Variants in BFAR observed in about 807,000 individuals in gnomAD.
BFAR encodes bifunctional apoptosis regulator, also known as RING finger protein 47.
A neutral mutation model predicts 54.4 loss-of-function variants in BFAR; 52 were observed. The ratio of observed to expected loss-of-function variants is 0.96; its 90% confidence interval spans 0.77 to 1.21. The LOEUF (loss-of-function observed/expected upper bound fraction) is 1.21. BFAR is among the 50% of genes most tolerant of loss of function. The pLI, the probability that BFAR is intolerant of heterozygous loss-of-function variation, is 0.00. For missense variants in BFAR, 571 were observed against 534.0 expected (o/e 1.07, Z -0.68); for synonymous variants, 215 against 204.3 (o/e 1.05, Z -0.45).
intron 2 of BFAR, among the ~76,000 whole-genome samples, chr16:14,647,199 C>G (rs952650784): frequency 6.6e-6 from 1 of 152,090 alleles, no homozygotes; most frequent in African/African-American, 2.4e-5. Flanking sequence ...ATTCTCCTGC[C>G]TCAGCCTCCC....
chr16:14,637,630 G>A lies in BFAR; in HGVS notation c.-74+4612G>A, dbSNP rs575073611. Among the ~76,000 whole-genome samples the A allele has an allele frequency of 3.3e-5, 5 of 152,286 alleles. No individual in the cohort carries two copies. In the East Asian group the frequency reaches 5.8e-4, roughly 18 times the overall value. On this transcript the variant is annotated intron_variant, in intron 1 of 7. Coordinates refer to ENST00000261658, the MANE Select transcript of BFAR (RefSeq NM_016561.3). ...GCAGGCAGATCACCTGAGGTCAGGAGTTTGAGACCAGCCTGGCCAACATGG... is the reference window on the plus strand; with the variant it reads ...GCAGGCAGATCACCTGAGGTCAGGAATTTGAGACCAGCCTGGCCAACATGG...
At chr16:14,635,570 C>T (rs551008791) in intron 1 of BFAR, among the ~76,000 whole-genome samples, 71 of 152,174 alleles carry the variant, frequency 4.7e-4, no homozygotes, top group African/African-American at 1.7e-3. Context: ...CTTCTCAGCC[C>T]GCCTTCGTCT....
At chr16:14,659,240 T>TTTTG (rs1771170232) in intron 5 of BFAR, among the ~76,000 whole-genome samples, 4 of 147,768 alleles carry the variant, frequency 2.7e-5, no homozygotes, top group Non-Finnish European at 4.5e-5. Context: ...TTTTGTTTTT[T>TTTTG]TTTGTTTTTT....
Position 14,662,054 on chromosome 16 carries a change from A to G in BFAR, c.946A>G (p.Thr316Ala). The change falls in exon 6 of 8, where the codon ACC becomes GCC. Residue 316 changes from threonine (T) to alanine (A), a missense_variant. Coordinates refer to ENST00000261658, the MANE Select transcript of BFAR (RefSeq NM_016561.3). ...QEDSSGEDIV[T>A]KLLDLKEPTW... is the part of the protein sequence containing the mutation. ...AGACAGCTCTGGGGAGGACATCGTC[A>G]CCAAGCTTCTGGTAGGTCTGCACAG... 1.2e-6 allele frequency: 2 copies of G among 1,614,168 alleles called. No individual in the cohort carries two copies. Among genetic ancestry groups the G allele is most frequent in the Non-Finnish European group, 1.7e-6 (2 of 1,180,018 alleles).
chr16:14,667,658 G>C lies in BFAR; in HGVS notation c.1184G>C (p.Ser395Thr), dbSNP rs754781894. The C allele has an allele frequency of 6.2e-7, 1 of 1,614,118 alleles. No individual in the cohort carries two copies. The highest frequency in any genetic ancestry group is 8.5e-7 in the Non-Finnish European group (1 of 1,180,020). ...ELKTVPQRMW[S>T]HFWKVSTQGL... ...AGGACCGTGCCTCAGAGGATGTGGA[G>C]CCATTTCTGGAAAGTATCAACGCAG... Residue 395 changes from serine (S) to threonine (T), a missense_variant, in exon 8 of 8, where the codon AGC (serine) becomes ACC (threonine). By Grantham distance (58) the Ser-to-Thr change is moderately conservative. Transcript: ENST00000261658.
chr16:14,646,242 G>C (rs140917937), intron 2 of BFAR, among the ~76,000 whole-genome samples: 2 of 151,760 alleles, frequency 1.3e-5, no homozygotes, highest in South Asian at 2.1e-4. Context: ...TAGTAGAGAC[G>C]GGGTTTCCCC....
chr16:14,667,866 A>G lies in BFAR; in HGVS notation c.*39A>G, dbSNP rs761925480. On this transcript the variant is annotated 3_prime_UTR_variant, in exon 8 of 8. Transcript: ENST00000261658. ...GGCTGAGACTCTTCAAGTCCCGCTG[A>G]CGTCTGAGCTTTGATGCTTAAGAGG... is the stretch of plus-strand genomic sequence containing the variant. 2.5e-6 allele frequency: 4 copies of G among 1,583,982 alleles called. No individual in the cohort carries two copies. The highest frequency in any genetic ancestry group is 2.6e-6 in the Non-Finnish European group (3 of 1,155,162).
intron 5 of BFAR, among the ~76,000 whole-genome samples, chr16:14,657,409 C>T (rs1209243931): frequency 1.3e-5 from 2 of 151,746 alleles, no homozygotes; most frequent in Admixed American, 6.6e-5. Context: ...CCACCGTGCC[C>T]GGCTAATTTT....
chr16:14,661,815 C>G lies in BFAR; in HGVS notation c.784-77C>G. On this transcript the variant is annotated intron_variant, in intron 5 of 7. Transcript: ENST00000261658. Reference sequence around the variant, plus strand: ...ATGCAAAAAGGCTGATGGCAACAAGCGAGAGATGGGAAGGAGCGTGGGTGG... The same window carrying G: ...ATGCAAAAAGGCTGATGGCAACAAGGGAGAGATGGGAAGGAGCGTGGGTGG... 2.6e-6 allele frequency: 4 copies of G among 1,511,794 alleles called. No individual in the cohort carries two copies. The Admixed American group carries it at 7.1e-5, about 27-fold the overall frequency. 93.6% of individuals were successfully genotyped at this position (1,511,794 alleles called of 1,614,324 possible).
intron 5 of BFAR, among the ~76,000 whole-genome samples, chr16:14,660,157 C>G (rs950345957): frequency 2.0e-5 from 3 of 150,842 alleles, no homozygotes; most frequent in African/African-American, 4.9e-5. Context: ...ATGCAGTGAT[C>G]TCCACTGGAC....
chr16:14,644,514 C>G lies in BFAR; in HGVS notation c.168C>G (p.His56Gln), dbSNP rs749652527. Residue 56 changes from histidine (H) to glutamine (Q), a missense_variant, in exon 2 of 8, where the codon CAC becomes CAG. Coordinates refer to ENST00000261658, the MANE Select transcript of BFAR (RefSeq NM_016561.3). The part of the protein sequence containing the change: ...TLNCGHSFCR[H>Q]CLALWWASSK... ...ACTGTGGGCACAGCTTCTGCCGTCA[C>G]TGCCTTGCTTTATGGTGGGCATCTT... is the stretch of plus-strand genomic sequence containing the variant. 3 of 1,614,124 alleles carry G rather than the reference C, an allele frequency of 1.9e-6. No homozygotes were observed. Among genetic ancestry groups the G allele is most frequent in the Non-Finnish European group, 2.5e-6 (3 of 1,179,998 alleles).
intron 1 of BFAR, among the ~76,000 whole-genome samples, chr16:14,635,250 G>A (rs1006204910): frequency 3.9e-5 from 6 of 152,150 alleles, no homozygotes; most frequent in South Asian, 2.1e-4. Flanking sequence ...AACAAGAATC[G>A]CAGGAACCCA....
chr16:14,661,505 G>A (rs891944590), intron 5 of BFAR, among the ~76,000 whole-genome samples: 1 of 144,978 alleles, frequency 6.9e-6, no homozygotes, highest in Non-Finnish European at 1.5e-5. Flanking sequence ...AGGTTCAAGC[G>A]ATTCTCCAGC....
At chr16:14,649,423 A>C (rs1428838048) in intron 3 of BFAR, among the ~76,000 whole-genome samples, 2 of 152,136 alleles carry the variant, frequency 1.3e-5, no homozygotes, top group South Asian at 4.1e-4. Flanking sequence ...CTAACTTCCA[A>C]TGTGGAGACT....
intron 6 of BFAR, 68 bp downstream of exon 6, chr16:14,662,133 C>T (rs1176800089): frequency 1.3e-6 from 2 of 1,532,640 alleles, no homozygotes; most frequent in African/African-American, 2.7e-5. Flanking sequence ...TTGCTACCCA[C>T]CATGGGTGCC....
intron 1 of BFAR, chr16:14,643,736 G>A (rs1959696419): frequency 6.6e-6 from 1 of 152,068 alleles, no homozygotes; most frequent in African/African-American, 2.4e-5. Context: ...TTGCGCCACT[G>A]GACTCCAGCC....
intron 4 of BFAR, among the ~76,000 whole-genome samples, chr16:14,654,729 A>T (rs1318641576): frequency 6.6e-6 from 1 of 151,984 alleles, no homozygotes; most frequent in African/African-American, 2.4e-5. Flanking sequence ...ACCTGATTTC[A>T]AGTGATCTGC....
intron 1 of BFAR, among the ~76,000 whole-genome samples, chr16:14,639,487 T>C (rs149465683): frequency 0.019 from 2,911 of 152,202 alleles, 46 homozygotes; most frequent in Non-Finnish European, 0.03. Flanking sequence ...TTTGTATTTT[T>C]GGTAGAGATG....
At chr16:14,641,355 T>C (rs2151835873) in intron 1 of BFAR, among the ~76,000 whole-genome samples, 1 of 152,266 alleles carries the variant, frequency 6.6e-6, no homozygotes, top group South Asian at 2.1e-4. Context: ...GCTAGCCATA[T>C]GTGCAGAGAA....
Sources: allele counts gnomAD v4.1 joint callset (sites outside exome capture counted in the v4.1 genomes callset), GRCh38; gene constraint gnomAD v4.1.1; transcripts MANE v1.5; gene names NCBI Gene and HGNC (gene_info 2026-07-23, HGNC 2026-07-21).